Variants in NUP98 observed in about 807,000 individuals in gnomAD.
NUP98 encodes nuclear pore complex protein Nup98-Nup96.
NUP98 carries 26 observed loss-of-function variants against 191.9 expected under a neutral mutation model. That is an observed-to-expected ratio of 0.14 (90% CI 0.10 to 0.19). The LOEUF (loss-of-function observed/expected upper bound fraction) is 0.19, where lower values mean the gene tolerates loss of function less well. Ranked by LOEUF, NUP98 falls within the 10% of genes least tolerant of loss-of-function variation. NUP98 has a pLI of 1.00. For missense variants in NUP98, 1,941 were observed against 2,178.8 expected (o/e 0.89, Z 2.17); for synonymous variants, 808 against 778.4 (o/e 1.04, Z -0.63).
chr11:3,738,107 A>AAAACAAAAAAAAACC (rs1554894745), intron 12 of NUP98, among the ~76,000 whole-genome samples: 3,638 of 146,668 alleles, frequency 0.025, 45 homozygotes, highest in Non-Finnish European at 0.039. Flanking sequence ...AAAAAAAAAA[A>AAAACAAAAAAAAACC]CCAAAGACTT....
intron 1 of NUP98, among the ~76,000 whole-genome samples, chr11:3,783,364 G>C (rs1449690785): frequency 6.6e-6 from 1 of 152,154 alleles, no homozygotes; most frequent in African/African-American, 2.4e-5. Context: ...CTCCAGCAAA[G>C]GTGATAGGGT....
chr11:3,733,735 C>T (rs1165496610), intron 13 of NUP98, among the ~76,000 whole-genome samples: 2 of 152,154 alleles, frequency 1.3e-5, no homozygotes, highest in East Asian at 1.9e-4. Flanking sequence ...TTTATCCATT[C>T]GTCATTGATA....
intron 10 of NUP98, 123 bp from the exon 11 acceptor site, chr11:3,753,531 T>G: frequency 1.5e-6 from 1 of 669,708 alleles, no homozygotes; most frequent in South Asian, 2.0e-5. Flanking sequence ...TATTTAGGAC[T>G]CCTAACTTGT....
intron 7 of NUP98, among the ~76,000 whole-genome samples, chr11:3,769,342 C>T (rs2081442507): frequency 6.6e-6 from 1 of 152,052 alleles, no homozygotes; most frequent in Non-Finnish European, 1.5e-5. Context: ...GGGTATATGG[C>T]TTGAGCCTGG....
chr11:3,788,041 G>A (rs377204120), intron 1 of NUP98, among the ~76,000 whole-genome samples: 33 of 152,122 alleles, frequency 2.2e-4, no homozygotes, highest in Non-Finnish European at 3.5e-4. Context: ...CCCCGATTAC[G>A]TAAACTAGTG....
Position 3,676,069 on chromosome 11 carries a change from G to C in NUP98, c.*90C>G. 1 of 1,290,118 alleles carries C rather than the reference G, an allele frequency of 7.8e-7. No homozygotes were observed. The highest frequency in any genetic ancestry group is 1.5e-5 in the African/African-American group (1 of 68,230). 79.9% of individuals were successfully genotyped at this position (1,290,118 alleles called of 1,614,324 possible). A position where few individuals can be genotyped will look rare whatever the true frequency, so the allele number is the denominator to read the frequency against. ...GAGGGTAGATGCCACAGCCAACCCA[G>C]AGAATGGCAAACAGTGCCAATCCAA... is the stretch of plus-strand genomic sequence containing the variant. On this transcript the variant is annotated 3_prime_UTR_variant, in exon 33 of 33. Coordinates refer to ENST00000324932, the MANE Select transcript of NUP98 (RefSeq NM_016320.5).
chr11:3,792,202 A>C (rs1214795415), intron 1 of NUP98, among the ~76,000 whole-genome samples: 9 of 149,916 alleles, frequency 6.0e-5, no homozygotes, highest in Admixed American at 3.3e-4. Context: ...AAAAAAAAAA[A>C]AAAAAAACAT....
chr11:3,735,902 C>A (rs1349357715), intron 12 of NUP98, among the ~76,000 whole-genome samples: 1 of 124,442 alleles, frequency 8.0e-6, no homozygotes, highest in Non-Finnish European at 1.6e-5. Context: ...TACAACAGGA[C>A]AAGTACTGTG....
At position 3,744,615 on chromosome 11, in the gene NUP98, G is replaced by A; in HGVS notation, c.1302C>T (p.Asn434=). Residue 434 remains asparagine (N), a synonymous_variant, in exon 12 of 33, where the codon AAC becomes AAT. Transcript: ENST00000324932. The part of the protein sequence containing the change: ...LGAGQASLFG[N]NQPKIGGPLG... ...GAGGCCCTCCAATCTTAGGTTGGTT[G>A]TTCCCAAACAAAGATGCCTGTCCAG... The A allele has an allele frequency of 6.2e-7, 1 of 1,613,320 alleles. No homozygotes were observed. The highest frequency in any genetic ancestry group is 8.5e-7 in the Non-Finnish European group (1 of 1,179,500).
chr11:3,792,056 G>GTATT (rs1232840113), intron 1 of NUP98, among the ~76,000 whole-genome samples: 2 of 150,894 alleles, frequency 1.3e-5, no homozygotes, highest in Non-Finnish European at 2.9e-5. Context: ...GCACGCCCCT[G>GTATT]TATTCCCAGC....
chr11:3,708,589 C>A (rs965708440), intron 20 of NUP98, among the ~76,000 whole-genome samples: 4 of 151,912 alleles, frequency 2.6e-5, no homozygotes, highest in African/African-American at 9.7e-5. Flanking sequence ...CTAGAATGCC[C>A]TATATGTAAA....
At chr11:3,776,859 A>G (rs1182601738) in intron 4 of NUP98, among the ~76,000 whole-genome samples, 2 of 152,170 alleles carry the variant, frequency 1.3e-5, no homozygotes, top group Non-Finnish European at 2.9e-5. Flanking sequence ...ACAAAGTCTG[A>G]ATCCTTTGGT....
In NUP98 at chr11:3,700,990, TACTGA is replaced by T. The variant is rs1395456487; in HGVS notation, c.3513-156_3513-152del. The stretch of plus-strand genomic sequence containing the variant: ...TAAAGAAATTTTGTTTCTTAAACTA[TACTGA>T]ACTTATCTGCTATATACTGGGGAAA... On this transcript the variant is annotated intron_variant, in intron 23 of 32. Coordinates refer to ENST00000324932, the MANE Select transcript of NUP98 (RefSeq NM_016320.5). 4.7e-6 allele frequency: 3 copies of T among 638,306 alleles called. No homozygotes were observed. In the African/African-American group the frequency reaches 5.5e-5, roughly 12 times the overall value. 39.5% of individuals were successfully genotyped at this position (638,306 alleles called of 1,614,324 possible). A position where few individuals can be genotyped will look rare whatever the true frequency, so the allele number is the denominator to read the frequency against.
intron 1 of NUP98, among the ~76,000 whole-genome samples, chr11:3,783,470 G>A (rs758485842): frequency 1.3e-5 from 2 of 152,080 alleles, no homozygotes; most frequent in African/African-American, 4.8e-5. Flanking sequence ...AGGCCAAGGC[G>A]GGTGGATCAC....
intron 30 of NUP98, among the ~76,000 whole-genome samples, chr11:3,682,659 A>G (rs996399064): frequency 3.9e-5 from 6 of 152,246 alleles, no homozygotes; most frequent in Non-Finnish European, 7.3e-5. Context: ...ACAGATCACC[A>G]TAACAGATAT....
intron 1 of NUP98, among the ~76,000 whole-genome samples, chr11:3,794,950 T>C (rs2082478788): frequency 6.6e-6 from 1 of 152,204 alleles, no homozygotes; most frequent in African/African-American, 2.4e-5. Flanking sequence ...CTTAGTTCCC[T>C]AACCTTTCAA....
rs752662353 is a variant in NUP98 at position 3,676,211 on chromosome 11, A to C, written c.5351T>G (p.Leu1784Arg). 6.2e-7 allele frequency: 1 copy of C among 1,614,202 alleles called. No homozygotes were observed. The highest frequency in any genetic ancestry group is 8.5e-7 in the Non-Finnish European group (1 of 1,180,040). ...CAGATAGGACTGGGTAAGGCTGCGC[A>C]GTTCGTCCATGGCATAGTCCTCAGG... ...PMPEDYAMDE[L>R]RSLTQSYLRE... is the part of the protein sequence containing the mutation. The change falls in exon 33 of 33, where the codon CTG (leucine) becomes CGG (arginine). Residue 1784 changes from leucine (L) to arginine (R), a missense_variant. This residue lies in a region of NUP98 where 1,030 missense variants were observed against 1,115.8 expected (regional missense o/e 0.92). Transcript: ENST00000324932.
rs779103700 is a variant in NUP98 at position 3,713,876 on chromosome 11, C to T, written c.2519G>A (p.Arg840Lys). The T allele has an allele frequency of 6.2e-7, 1 of 1,614,138 alleles. No homozygotes were observed. The highest frequency in any genetic ancestry group is 8.5e-7 in the Non-Finnish European group (1 of 1,180,016). The change falls in exon 19 of 33, where the codon AGG becomes AAG. Residue 840 changes from arginine (R) to lysine (K), a missense_variant. By Grantham distance (26) the Arg-to-Lys change is conservative. This residue lies in a region of NUP98 where 95 missense variants were observed against 139.7 expected (regional missense o/e 0.68). Transcript: ENST00000324932. The part of the protein sequence containing the change: ...NYEGRLEAVS[R>K]KQGAQFKEYR... ...TTCTTTGAATTGAGCTCCCTGTTTC[C>T]TTGAAACTGCTTCCAATCTTCCTTC...
intron 25 of NUP98, 180 bp downstream of exon 25, chr11:3,698,902 A>G: frequency 1.4e-6 from 1 of 691,154 alleles, no homozygotes; most frequent in Non-Finnish European, 2.4e-6. Flanking sequence ...TTACTTGATT[A>G]AAAGTTAAAT....
Sources: allele counts gnomAD v4.1 joint callset (sites outside exome capture counted in the v4.1 genomes callset), GRCh38; gene constraint gnomAD v4.1.1; regional missense constraint gnomAD v4.1.1; transcripts MANE v1.5; gene names NCBI Gene and HGNC (gene_info 2026-07-23, HGNC 2026-07-21).